Variants in SKIC3 observed in about 807,000 individuals in gnomAD.
SKIC3 encodes superkiller complex protein 3.
the SKIC3 span, among the ~76,000 whole-genome samples, chr5:95,534,637 T>C: frequency 4.9e-4 from 75 of 152,216 alleles, no homozygotes; most frequent in African/African-American, 1.8e-3. Flanking sequence ...CCCTGTCGTC[T>C]TGTGTTGCTT....
At chr5:95,504,321 G>A in the SKIC3 span, among the ~76,000 whole-genome samples, 1 of 151,770 alleles carries the variant, frequency 6.6e-6, no homozygotes, top group South Asian at 2.1e-4. Flanking sequence ...GGGCAAGACA[G>A]AACAAGACTG....
At chr5:95,543,626 T>C in the SKIC3 span, among the ~76,000 whole-genome samples, 1 of 152,120 alleles carries the variant, frequency 6.6e-6, no homozygotes, top group Non-Finnish European at 1.5e-5. Flanking sequence ...AAAAGAACAA[T>C]AACTACTCAA....
At chr5:95,477,198 G>A in the SKIC3 span, among the ~76,000 whole-genome samples, 1 of 151,988 alleles carries the variant, frequency 6.6e-6, no homozygotes, top group Non-Finnish European at 1.5e-5. Context: ...ACAATTAGTT[G>A]GCCACATTAT....
chr5:95,543,960 G>C, the SKIC3 span, among the ~76,000 whole-genome samples: 1 of 152,202 alleles, frequency 6.6e-6, no homozygotes. Context: ...TAGCAAGTAT[G>C]TTCTAGGGAA....
chr5:95,508,995 C>A, the SKIC3 span, among the ~76,000 whole-genome samples: 1 of 152,082 alleles, frequency 6.6e-6, no homozygotes, highest in Non-Finnish European at 1.5e-5. Context: ...TGTTTTGTTT[C>A]ATCTTTCTTT....
chr5:95,524,738 T>G, the SKIC3 span: 1 of 1,133,400 alleles, frequency 8.8e-7, no homozygotes, highest in Non-Finnish European at 1.2e-6. Context: ...TTAGGATTTA[T>G]ATTATCATAA....
the SKIC3 span, among the ~76,000 whole-genome samples, chr5:95,517,701 T>C: frequency 6.6e-6 from 1 of 152,160 alleles, no homozygotes; most frequent in South Asian, 2.1e-4. Flanking sequence ...TGTAACTCTC[T>C]TACAACTGAC....
the SKIC3 span, among the ~76,000 whole-genome samples, chr5:95,491,505 G>A: frequency 6.6e-6 from 1 of 152,134 alleles, no homozygotes; most frequent in Non-Finnish European, 1.5e-5. Context: ...ATTCTAATAG[G>A]CAAGCAGAAA....
At chr5:95,469,991 T>C in the SKIC3 span, 3 of 1,526,584 alleles carry the variant, frequency 2.0e-6, no homozygotes, top group East Asian at 2.5e-5. Context: ...CTTTTTTTTT[T>C]TTTGAGACGG....
the SKIC3 span, chr5:95,514,829 T>C: frequency 8.1e-5 from 130 of 1,605,880 alleles, no homozygotes; most frequent in South Asian, 1.4e-3. Flanking sequence ...ACAAGCTTAT[T>C]AGTAACTATA....
chr5:95,516,989 C>A, the SKIC3 span: 7 of 1,613,340 alleles, frequency 4.3e-6, no homozygotes, highest in Admixed American at 1.7e-5. Context: ...TTGTGCTTGG[C>A]GATAATAATT....
At chr5:95,530,266 T>C in the SKIC3 span, 1 of 1,609,264 alleles carries the variant, frequency 6.2e-7, no homozygotes, top group Non-Finnish European at 8.5e-7. Flanking sequence ...TATACATATA[T>C]CGAGTTTCTA....
chr5:95,484,968 A>G, the SKIC3 span: 11 of 996,826 alleles, frequency 1.1e-5, no homozygotes, highest in Non-Finnish European at 1.7e-5. Flanking sequence ...TCAAAGTTAC[A>G]TGTGCCACAT....
At chr5:95,532,143 T>C in the SKIC3 span, among the ~76,000 whole-genome samples, 1 of 152,084 alleles carries the variant, frequency 6.6e-6, no homozygotes, top group African/African-American at 2.4e-5. Flanking sequence ...ACAGGAAATA[T>C]ACCTGGGATG....
chr5:95,521,286 C>T, the SKIC3 span: 1 of 155,184 alleles, frequency 6.4e-6, no homozygotes, highest in African/African-American at 2.4e-5. Flanking sequence ...GTGAGTTCTC[C>T]TTCTCTTGAG....
At chr5:95,479,083 G>A in the SKIC3 span, among the ~76,000 whole-genome samples, 12 of 152,014 alleles carry the variant, frequency 7.9e-5, no homozygotes, top group Non-Finnish European at 1.5e-4. Context: ...AGTAAAAGGG[G>A]CATAACTATA....
At chr5:95,536,750 T>G in the SKIC3 span, 1 of 1,311,994 alleles carries the variant, frequency 7.6e-7, no homozygotes, top group East Asian at 2.3e-5. Flanking sequence ...AAACATTTTT[T>G]GATTAATAAC....
chr5:95,495,180 T>C, the SKIC3 span: 31 of 649,606 alleles, frequency 4.8e-5, no homozygotes, highest in East Asian at 8.6e-4. Flanking sequence ...TATTGTTGTT[T>C]GAAAAGACTA....
At chr5:95,497,309 T>C in the SKIC3 span, 47 of 1,067,504 alleles carry the variant, frequency 4.4e-5, no homozygotes, top group Non-Finnish European at 6.4e-5. Flanking sequence ...ACTTTCTTCA[T>C]TGTACAAATT....
Sources: gnomAD v4.1 joint callset for allele counts (sites outside exome capture counted in the v4.1 genomes callset) on GRCh38, gnomAD v4.1.1 for gene constraint, MANE v1.5 for transcripts, NCBI Gene and HGNC (gene_info 2026-07-23, HGNC 2026-07-21) for gene names.